The following HSF5 variants were observed in gnomAD, a reference collection of about 807,000 sequenced individuals.
HSF5 encodes heat shock factor protein 5.
Under a neutral mutation model 50.8 loss-of-function variants are expected in HSF5, and 5 were observed. The ratio of observed to expected loss-of-function variants is 0.10; its 90% CI spans 0.05 to 0.21. The LOEUF is 0.21. HSF5 is among the 10% of genes least tolerant of loss of function. HSF5 has a pLI of 1.00. For synonymous variants in HSF5, 307 were observed against 307.4 expected, an observed-to-expected ratio of 1.00 and a Z score of 0.02; for missense variants, 564 against 762.6, an observed-to-expected ratio of 0.74 and a Z score of 3.07.
intron 5 of HSF5, among the ~76,000 whole-genome samples, chr17:58,443,784 A>G (rs1000292963): frequency 1.3e-5 from 2 of 152,216 alleles, no homozygotes; most frequent in African/African-American, 2.4e-5. Flanking sequence ...ATTATCTGAA[A>G]AGGTTATCTG....
At chr17:58,429,369 C>T (rs1251867424) in intron 5 of HSF5, among the ~76,000 whole-genome samples, 1 of 152,086 alleles carries the variant, frequency 6.6e-6, no homozygotes, top group Admixed American at 6.6e-5. Flanking sequence ...GCCACTTAAT[C>T]GTACACTTTA....
At chr17:58,452,875 T>TA (rs35846805) in intron 5 of HSF5, among the ~76,000 whole-genome samples, 27 of 150,702 alleles carry the variant, frequency 1.8e-4, no homozygotes, top group East Asian at 7.8e-4. Context: ...TTGGGGAAGA[T>TA]AAAAAAAAAA....
chr17:58,451,751 T>G (rs1974644267), intron 5 of HSF5, among the ~76,000 whole-genome samples: 1 of 151,822 alleles, frequency 6.6e-6, no homozygotes, highest in Non-Finnish European at 1.5e-5. Context: ...AGACTTCAAA[T>G]AAACAATATT....
intron 5 of HSF5, among the ~76,000 whole-genome samples, chr17:58,439,380 A>G (rs1375687652): frequency 6.6e-6 from 1 of 151,946 alleles, no homozygotes; most frequent in East Asian, 1.9e-4. Context: ...TCCATTTAGT[A>G]TCCTCAGAGA....
intron 2 of HSF5, 149 bp downstream of exon 2, chr17:58,479,744 C>T: frequency 1.5e-6 from 1 of 681,462 alleles, no homozygotes; most frequent in Non-Finnish European, 2.3e-6. Context: ...TTAAAAATAT[C>T]TCCTGCTAAG....
At chr17:58,441,275 T>C (rs952599323) in intron 5 of HSF5, among the ~76,000 whole-genome samples, 2 of 152,088 alleles carry the variant, frequency 1.3e-5, no homozygotes, top group Admixed American at 6.5e-5. Flanking sequence ...TAAAAATGCA[T>C]GAATCAAAGA....
chr17:58,462,812 C>T lies in HSF5; in HGVS notation c.1512G>A (p.Val504=), dbSNP rs1974810713. The change falls in exon 4 of 6, where the codon GTG becomes GTA. Residue 504 remains valine (V), a synonymous_variant. Transcript: ENST00000323777. The part of the protein sequence containing the change: ...HNPSPSSVVF[V]QEGPPFSTHQ... Reference sequence around the variant, plus strand: ...GTGTGCTGAATGGTGGCCCTTCCTGCACAAATACTACTGAAGATGGAGATG... The same window carrying T: ...GTGTGCTGAATGGTGGCCCTTCCTGTACAAATACTACTGAAGATGGAGATG... The T allele has an allele frequency of 1.2e-6, 2 of 1,611,234 alleles. No homozygotes were observed. The highest frequency in any genetic ancestry group is 1.7e-6 in the Non-Finnish European group (2 of 1,178,534).
intron 4 of HSF5, 43 bp downstream of exon 4, chr17:58,462,739 G>A (rs1190294956): frequency 1.3e-6 from 2 of 1,518,466 alleles, no homozygotes; most frequent in African/African-American, 2.8e-5. Context: ...AGAAGTACTA[G>A]GTACTTTGAG....
intron 1 of HSF5, among the ~76,000 whole-genome samples, chr17:58,482,053 TATGA>T (rs1975104675): frequency 6.6e-6 from 1 of 152,156 alleles, no homozygotes; most frequent in African/African-American, 2.4e-5. Flanking sequence ...TACAGTGAAC[TATGA>T]TCGTGCCACT....
At chr17:58,429,964 A>G (rs1037978109) in intron 5 of HSF5, among the ~76,000 whole-genome samples, 2 of 152,186 alleles carry the variant, frequency 1.3e-5, no homozygotes, top group African/African-American at 4.8e-5. Flanking sequence ...AAATGGCTAT[A>G]AATACAAAAT....
chr17:58,454,966 GA>G (rs777095658), intron 5 of HSF5, among the ~76,000 whole-genome samples: 11 of 151,832 alleles, frequency 7.2e-5, no homozygotes, highest in African/African-American at 1.9e-4. Flanking sequence ...CACAGAAATA[GA>G]AAAAAAATTC....
At chr17:58,472,842 T>C (rs1974966695) in intron 2 of HSF5, among the ~76,000 whole-genome samples, 1 of 151,910 alleles carries the variant, frequency 6.6e-6, no homozygotes, top group South Asian at 2.1e-4. Flanking sequence ...GCAATTGGAG[T>C]ACATTCTCTC....
chr17:58,438,723 G>A (rs982055980), intron 5 of HSF5, among the ~76,000 whole-genome samples: 1 of 151,938 alleles, frequency 6.6e-6, no homozygotes, highest in Non-Finnish European at 1.5e-5. Context: ...GAGATGGAAG[G>A]GAATATTTGA....
intron 4 of HSF5, among the ~76,000 whole-genome samples, chr17:58,460,634 C>T (rs990651035): frequency 5.9e-5 from 9 of 151,454 alleles, no homozygotes; most frequent in African/African-American, 1.2e-4. Flanking sequence ...CTCAGCCTCC[C>T]GAGTAGCTGG....
At chr17:58,476,813 T>C in intron 2 of HSF5, 1 of 1,576,206 alleles carries the variant, frequency 6.3e-7, no homozygotes, top group South Asian at 1.1e-5. Flanking sequence ...GGCTTGTTCA[T>C]TAAGTCTGTC....
chr17:58,430,037 G>A (rs1974342817), intron 5 of HSF5, among the ~76,000 whole-genome samples: 1 of 151,970 alleles, frequency 6.6e-6, no homozygotes, highest in African/African-American at 2.4e-5. Flanking sequence ...ATCTGGTAGA[G>A]CATTATCTTT....
Position 58,477,146 on chromosome 17 carries a change from G to C in HSF5, c.925+2747C>G, listed in dbSNP as rs2143801709. 1.4e-5 allele frequency among the ~76,000 whole-genome samples: 2 copies of C among 144,918 alleles called. 1 individual carries two copies. Among genetic ancestry groups the C allele is most frequent in the South Asian group, 4.4e-4 (2 of 4,570 alleles). On this transcript the variant is annotated intron_variant, in intron 2 of 5. Transcript: ENST00000323777. ...TTTTTTTTTTTTTTTTTGAGATGGAGTCCTGCTCTGTCACCCAGGCTGGAG... is the reference window on the plus strand; with the variant it reads ...TTTTTTTTTTTTTTTTTGAGATGGACTCCTGCTCTGTCACCCAGGCTGGAG...
intron 2 of HSF5, among the ~76,000 whole-genome samples, chr17:58,475,692 G>T (rs541976963): frequency 5.3e-5 from 8 of 152,234 alleles, no homozygotes; most frequent in Admixed American, 4.6e-4. Context: ...TTTAACAAGA[G>T]AAAGTAGACA....
rs184773104 is a variant in HSF5, at chr17:58,445,474, T to C, written c.1720+13294A>G. The stretch of plus-strand genomic sequence containing the variant: ...AAGTTCACAGTGGCACTATTCACAA[T>C]AGTCAAGGGATGGAAGCAACCTAAA... On this transcript the variant is annotated intron_variant, in intron 5 of 5. Coordinates refer to ENST00000323777, the MANE Select transcript of HSF5 (RefSeq NM_001080439.3). Among the ~76,000 whole-genome samples the C allele has an allele frequency of 3.3e-5, 5 of 152,276 alleles. No individual in the cohort carries two copies. The East Asian group carries it at 5.8e-4, about 18-fold the overall frequency.
Sources: allele counts gnomAD v4.1 joint callset (sites outside exome capture counted in the v4.1 genomes callset), GRCh38; gene constraint gnomAD v4.1.1; transcripts MANE v1.5; gene names NCBI Gene and HGNC (gene_info 2026-07-23, HGNC 2026-07-21).